Variants in SNX4 observed in about 807,000 individuals in gnomAD.
SNX4 encodes the protein sorting nexin-4.
In SNX4, 49 loss-of-function variants were observed where a neutral mutation model predicts 70.8. That is an observed-to-expected ratio of 0.69 (90% CI 0.55 to 0.88). SNX4 has a LOEUF of 0.88. SNX4 is among the 40% of genes least tolerant of loss of function. The pLI, the probability that SNX4 is intolerant of heterozygous loss-of-function variation, is 0.00. For missense variants in SNX4, 528 were observed against 544.8 expected (o/e 0.97, Z 0.31); for synonymous variants, 206 against 183.8 (o/e 1.12, Z -0.98).
At position 125,460,796 on chromosome 3, in the gene SNX4, ACT is replaced by A. The variant is rs781433595; in HGVS notation, c.917_918del (p.Glu306ValfsTer16). On this transcript the variant is annotated frameshift_variant, in exon 10 of 14. Coordinates refer to ENST00000251775, the MANE Select transcript of SNX4 (RefSeq NM_003794.4). LOFTEE classifies it high-confidence loss of function. Reference protein sequence around the residue: ...DEEHYADQLKEYLFYAEALRA... With the variant: ...DEEHYADQLKXYLFYAEALRA... ...CGCAATGCTTCTGCATAAAAAAGAT[ACT>A]CTTTTAACTGATCTGCATAATGTTC... 2.6e-6 allele frequency: 4 copies of A among 1,556,140 alleles called. No homozygotes were observed. Among genetic ancestry groups the A allele is most frequent in the Non-Finnish European group, 3.5e-6 (4 of 1,148,940 alleles).
intron 1 of SNX4, among the ~76,000 whole-genome samples, chr3:125,507,466 G>A (rs1394014530): frequency 6.6e-6 from 1 of 152,122 alleles, no homozygotes; most frequent in East Asian, 1.9e-4. Flanking sequence ...AGAGAAAAAG[G>A]AGAAGGGACA....
chr3:125,508,566 C>CA (rs564123552), intron 1 of SNX4, among the ~76,000 whole-genome samples: 8,706 of 98,104 alleles, frequency 0.089, 756 homozygotes, highest in African/African-American at 0.25. Flanking sequence ...GACTCTGTCT[C>CA]AAAAAAAAAA....
At chr3:125,507,259 A>G (rs1425454536) in intron 1 of SNX4, among the ~76,000 whole-genome samples, 2 of 152,006 alleles carry the variant, frequency 1.3e-5, no homozygotes, top group Non-Finnish European at 2.9e-5. Context: ...AACTGAAATT[A>G]AAAGTTCACT....
intron 8 of SNX4, among the ~76,000 whole-genome samples, chr3:125,473,965 A>T (rs1015771420): frequency 4.6e-5 from 7 of 152,200 alleles, no homozygotes. Flanking sequence ...TAAATTCCTG[A>T]TCCAAATTTC....
chr3:125,489,572 A>G, intron 5 of SNX4, 109 bp from the exon 6 acceptor site: 1 of 838,848 alleles, frequency 1.2e-6, no homozygotes, highest in East Asian at 2.6e-5. Context: ...TTTTCTTCAT[A>G]TCAATTGTTG....
chr3:125,449,215 A>G (rs1240586653), intron 13 of SNX4: 1 of 151,760 alleles, frequency 6.6e-6, no homozygotes, highest in East Asian at 1.9e-4. Context: ...TGAGATCAGG[A>G]GTTTGAGACC....
chr3:125,482,596 A>G (rs1934437327), intron 6 of SNX4, among the ~76,000 whole-genome samples: 1 of 151,938 alleles, frequency 6.6e-6, no homozygotes, highest in African/African-American at 2.4e-5. Flanking sequence ...ATGATCTTCC[A>G]AAGTCCAAAT....
At chr3:125,510,481 A>C (rs1447393470) in intron 1 of SNX4, among the ~76,000 whole-genome samples, 1 of 152,066 alleles carries the variant, frequency 6.6e-6, no homozygotes, top group Non-Finnish European at 1.5e-5. Context: ...CACCCGCCTC[A>C]GCCTCCCAAA....
At chr3:125,515,798 G>A (rs184950449) in intron 1 of SNX4, among the ~76,000 whole-genome samples, 2 of 152,096 alleles carry the variant, frequency 1.3e-5, no homozygotes, top group East Asian at 3.9e-4. Context: ...TTGTAATCCT[G>A]GTGCTTTGGG....
At chr3:125,448,673 T>G (rs1361304412) in intron 13 of SNX4, among the ~76,000 whole-genome samples, 7 of 133,350 alleles carry the variant, frequency 5.2e-5, no homozygotes, top group Non-Finnish European at 1.1e-4. Flanking sequence ...TTTTTCCTTT[T>G]TTTTTTTTTT....
At chr3:125,472,417 G>A (rs1934197211) in intron 8 of SNX4, among the ~76,000 whole-genome samples, 1 of 152,084 alleles carries the variant, frequency 6.6e-6, no homozygotes. Flanking sequence ...CTTCATCAGT[G>A]CTTCTCAAGC....
intron 1 of SNX4, among the ~76,000 whole-genome samples, chr3:125,514,727 C>T (rs1935238679): frequency 6.6e-6 from 1 of 152,100 alleles, no homozygotes; most frequent in Non-Finnish European, 1.5e-5. Flanking sequence ...CTTGCTCTGT[C>T]ACCCAGACTG....
At chr3:125,454,070 T>C (rs1456182267) in intron 11 of SNX4, 115 bp from the exon 12 acceptor site, 2 of 773,600 alleles carry the variant, frequency 2.6e-6, no homozygotes, top group Non-Finnish European at 4.1e-6. Context: ...TGCTACAACA[T>C]GGATAAACCT....
chr3:125,449,662 G>A (rs1425712781), intron 13 of SNX4, among the ~76,000 whole-genome samples: 3 of 152,178 alleles, frequency 2.0e-5, no homozygotes, highest in African/African-American at 7.2e-5. Flanking sequence ...CTAAGGATTT[G>A]TGAATAAACC....
At chr3:125,470,498 A>AC in intron 8 of SNX4, among the ~76,000 whole-genome samples, 1 of 151,436 alleles carries the variant, frequency 6.6e-6, no homozygotes, top group South Asian at 2.1e-4. Flanking sequence ...TTAAAAAAAA[A>AC]AAAACAAAAA....
At chr3:125,476,865 G>GA (rs1934301120) in intron 7 of SNX4, 109 bp from the exon 8 acceptor site, 1 of 595,938 alleles carries the variant, frequency 1.7e-6, no homozygotes, top group Non-Finnish European at 2.9e-6. Flanking sequence ...CTTGGAAATA[G>GA]AAAAAAGAAA....
At chr3:125,512,064 T>C (rs1935184698) in intron 1 of SNX4, among the ~76,000 whole-genome samples, 1 of 152,266 alleles carries the variant, frequency 6.6e-6, no homozygotes, top group East Asian at 1.9e-4. Context: ...TTTTATAAAA[T>C]ATAAGTTTTT....
chr3:125,486,061 G>T (rs938578606), intron 6 of SNX4, among the ~76,000 whole-genome samples: 4 of 152,034 alleles, frequency 2.6e-5, no homozygotes, highest in African/African-American at 9.7e-5. Context: ...GGTGGGTCTC[G>T]AGCTCCTGAC....
chr3:125,486,301 T>G (rs1934528674), intron 6 of SNX4, among the ~76,000 whole-genome samples: 1 of 152,194 alleles, frequency 6.6e-6, no homozygotes, highest in South Asian at 2.1e-4. Context: ...ACAACCTCAA[T>G]TATCTAACTG....
Sources: allele counts gnomAD v4.1 joint callset (sites outside exome capture counted in the v4.1 genomes callset), GRCh38; gene constraint gnomAD v4.1.1; transcripts MANE v1.5; gene names NCBI Gene and HGNC (gene_info 2026-07-23, HGNC 2026-07-21).